Variants in CYYR1 observed in about 807,000 individuals in gnomAD.
CYYR1 encodes cysteine and tyrosine rich 1, also known as cysteine and tyrosine-rich protein 1.
CYYR1 carries 14 observed loss-of-function variants against 15.2 expected under a neutral mutation model. The ratio of observed to expected loss-of-function variants is 0.92; its 90% confidence interval spans 0.61 to 1.44. The LOEUF is 1.44. CYYR1 is among the 40% of genes most tolerant of loss of function. The pLI, the probability that CYYR1 is intolerant of heterozygous loss-of-function variation, is 0.00. For missense variants in CYYR1, 228 were observed against 209.5 expected, an observed-to-expected ratio of 1.09 and a Z score of -0.54; for synonymous variants, 80 against 77.4, an observed-to-expected ratio of 1.03 and a Z score of -0.18.
At chr21:26,566,493 G>T in intron 1 of CYYR1, 125 bp from the exon 2 acceptor site, 1 of 702,274 alleles carries the variant, frequency 1.4e-6, no homozygotes, top group Non-Finnish European at 2.4e-6. Flanking sequence ...CTTCATTTTC[G>T]TCCTCAGAAT....
At chr21:26,539,375 C>A (rs1008544480) in intron 2 of CYYR1, among the ~76,000 whole-genome samples, 25 of 152,136 alleles carry the variant, frequency 1.6e-4, no homozygotes, top group African/African-American at 5.8e-4. Context: ...GATTTCAACA[C>A]AGTAACTCAC....
intron 2 of CYYR1, among the ~76,000 whole-genome samples, chr21:26,523,299 C>T (rs1008922095): frequency 6.6e-6 from 1 of 152,158 alleles, no homozygotes; most frequent in Non-Finnish European, 1.5e-5. Context: ...GTGCTGTTAT[C>T]TGAGGAAATG....
intron 2 of CYYR1, chr21:26,506,477 C>G (rs898260477): frequency 6.6e-6 from 1 of 152,162 alleles, no homozygotes; most frequent in East Asian, 1.9e-4. Context: ...AGTAAGGAGA[C>G]AGAGGAGCTT....
In CYYR1 at chr21:26,510,480, G is replaced by A. The variant is rs192546995; in HGVS notation, c.177-30051C>T. 9.2e-5 allele frequency among the ~76,000 whole-genome samples: 14 copies of A among 152,250 alleles called. No homozygotes were observed. In the East Asian group the frequency reaches 1.3e-3, roughly 15 times the overall value. ...TGTATAACAAACACTTAAGATTACC[G>A]AAAGCAAAATTCATTCAACAGTGAA... is the stretch of plus-strand genomic sequence containing the variant. On this transcript the variant is annotated intron_variant, in intron 2 of 3. Transcript: ENST00000652641.
chr21:26,548,925 A>G (rs575489584), intron 2 of CYYR1, among the ~76,000 whole-genome samples: 10 of 152,326 alleles, frequency 6.6e-5, no homozygotes, highest in African/African-American at 2.4e-4. Flanking sequence ...AGTGTTTACA[A>G]CTGCAAGACA....
intron 3 of CYYR1, among the ~76,000 whole-genome samples, chr21:26,474,218 C>T (rs1271880946): frequency 6.6e-6 from 1 of 151,500 alleles, no homozygotes; most frequent in African/African-American, 2.4e-5. Context: ...CCATACCTGG[C>T]TAATTTTTGT....
chr21:26,480,560 C>CTT, intron 2 of CYYR1, 131 bp from the exon 3 acceptor site: 1 of 841,544 alleles, frequency 1.2e-6, no homozygotes, highest in Non-Finnish European at 1.6e-6. Context: ...GTGTGTTTTT[C>CTT]TTTTCTTTTT....
At chr21:26,536,275 G>T (rs1028010849) in intron 2 of CYYR1, among the ~76,000 whole-genome samples, 9 of 152,172 alleles carry the variant, frequency 5.9e-5, no homozygotes, top group Non-Finnish European at 1.5e-5. Context: ...GAGACACAGA[G>T]CAAAATCATA....
intron 2 of CYYR1, among the ~76,000 whole-genome samples, chr21:26,492,927 T>C (rs892347866): frequency 3.3e-5 from 5 of 151,892 alleles, no homozygotes; most frequent in African/African-American, 1.2e-4. Context: ...TATGTTAGCA[T>C]GTGTGAGAGT....
chr21:26,468,220 A>C lies in CYYR1; in HGVS notation c.*281T>G. On this transcript the variant is annotated 3_prime_UTR_variant, in exon 4 of 4. Transcript: ENST00000652641. ...CTAGCCCTTAAACAACATGATTATC[A>C]GATATTTTGTCAATTACATTACTCT... is the stretch of plus-strand genomic sequence containing the variant. 2.4e-6 allele frequency: 1 copy of C among 412,492 alleles called. No homozygotes were observed. The highest frequency in any genetic ancestry group is 2.4e-5 in the South Asian group (1 of 42,212). The allele number at this position is 412,492 out of a possible 1,614,324, so 25.6% of individuals were successfully genotyped here.
chr21:26,498,229 G>T (rs779581598), intron 2 of CYYR1, among the ~76,000 whole-genome samples: 1 of 152,102 alleles, frequency 6.6e-6, no homozygotes, highest in Non-Finnish European at 1.5e-5. Flanking sequence ...TTATTTGAAG[G>T]CCCTATAGCC....
intron 3 of CYYR1, chr21:26,478,214 C>G: frequency 6.6e-7 from 1 of 1,517,962 alleles, no homozygotes; most frequent in South Asian, 1.3e-5. Context: ...ATTAAAAGCA[C>G]TCTGGATAAA....
chr21:26,512,815 A>C (rs1406415194), intron 2 of CYYR1, among the ~76,000 whole-genome samples: 3 of 152,172 alleles, frequency 2.0e-5, no homozygotes, highest in Non-Finnish European at 1.5e-5. Flanking sequence ...GCTAGATAAA[A>C]CAGAAAAGGT....
chr21:26,543,203 G>A (rs1978701182), intron 2 of CYYR1, among the ~76,000 whole-genome samples: 1 of 152,110 alleles, frequency 6.6e-6, no homozygotes, highest in Non-Finnish European at 1.5e-5. Context: ...ATGCGGGGAG[G>A]AAGAGCAGTA....
At chr21:26,547,439 A>G (rs1416550583) in intron 2 of CYYR1, among the ~76,000 whole-genome samples, 1 of 152,192 alleles carries the variant, frequency 6.6e-6, no homozygotes. Flanking sequence ...TGTGGGCCCA[A>G]GAGACTTTGT....
Position 26,468,229 on chromosome 21 carries a change from G to T in CYYR1, c.*272C>A. The T allele has an allele frequency of 2.3e-6, 1 of 427,360 alleles. No individual in the cohort carries two copies. The highest frequency in any genetic ancestry group is 3.6e-5 in the Admixed American group (1 of 27,490). 26.5% of individuals were successfully genotyped at this position (427,360 alleles called of 1,614,324 possible). A position where few individuals can be genotyped will look rare whatever the true frequency, so the allele number is the denominator to read the frequency against. ...AAACAACATGATTATCAGATATTTT[G>T]TCAATTACATTACTCTTCCCTGAAT... On this transcript the variant is annotated 3_prime_UTR_variant, in exon 4 of 4. Coordinates refer to ENST00000652641, the MANE Select transcript of CYYR1 (RefSeq NM_001320768.2).
At chr21:26,537,513 T>C (rs948205681) in intron 2 of CYYR1, among the ~76,000 whole-genome samples, 1 of 152,140 alleles carries the variant, frequency 6.6e-6, no homozygotes, top group Non-Finnish European at 1.5e-5. Context: ...TCTTTATTGG[T>C]ACTCAGTGAT....
chr21:26,475,971 T>C lies in CYYR1; in HGVS notation c.334+4301A>G, dbSNP rs564330899. On this transcript the variant is annotated intron_variant, in intron 3 of 3. Coordinates refer to ENST00000652641, the MANE Select transcript of CYYR1 (RefSeq NM_001320768.2). ...TTACACATCTGATGAAGATTGTTTT[T>C]AATATTCAGTACAAACACAGAAGTT... Among the ~76,000 whole-genome samples, 10 of 152,290 alleles carry C rather than the reference T, an allele frequency of 6.6e-5. No individual in the cohort carries two copies. The South Asian group carries it at 1.4e-3, about 22-fold the overall frequency.
chr21:26,537,258 T>C (rs534835447), intron 2 of CYYR1, among the ~76,000 whole-genome samples: 1 of 152,316 alleles, frequency 6.6e-6, no homozygotes, highest in South Asian at 2.1e-4. Context: ...AGTGAACTCA[T>C]GCATAAGGTA....
Sources: allele counts gnomAD v4.1 joint callset (sites outside exome capture counted in the v4.1 genomes callset), GRCh38; gene constraint gnomAD v4.1.1; transcripts MANE v1.5; gene names NCBI Gene and HGNC (gene_info 2026-07-23, HGNC 2026-07-21).